CCNY: variants seen among roughly 807,000 people sequenced by gnomAD.
CCNY encodes the protein cyclin Y, also known as cyclin-Y.
A neutral mutation model predicts 42.8 loss-of-function variants in CCNY; 19 were observed. The ratio of observed to expected loss-of-function variants is 0.44; its 90% CI spans 0.31 to 0.65. The LOEUF is 0.65. Among genes scored for constraint, CCNY ranks in the 30% least tolerant of loss-of-function variants. The pLI, the probability that CCNY is intolerant of heterozygous loss-of-function variation, is 0.07. For synonymous variants in CCNY, 165 were observed against 162.7 expected (o/e 1.01, Z -0.11); for missense variants, 370 against 437.3 (o/e 0.85, Z 1.37).
chr10:35,534,543 C>T (rs1840840157), intron 7 of CCNY, among the ~76,000 whole-genome samples: 1 of 152,166 alleles, frequency 6.6e-6, no homozygotes, highest in Admixed American at 6.5e-5. Context: ...GCTGACCAGA[C>T]AGGAGGGGGT....
chr10:35,359,493 TA>T (rs869043175), intron 1 of CCNY, among the ~76,000 whole-genome samples: 7 of 77,594 alleles, frequency 9.0e-5, no homozygotes, highest in African/African-American at 2.7e-4. Flanking sequence ...ACTCTTTATT[TA>T]TTATTATTAT....
At chr10:35,410,742 G>A (rs1837885145) in intron 1 of CCNY, among the ~76,000 whole-genome samples, 1 of 152,224 alleles carries the variant, frequency 6.6e-6, no homozygotes, top group African/African-American at 2.4e-5. Flanking sequence ...TCCAAGGACA[G>A]GCAAGTGCAC....
chr10:35,267,784 G>A (rs968980595), intron 3 of CCNY, among the ~76,000 whole-genome samples: 3 of 152,074 alleles, frequency 2.0e-5, no homozygotes, highest in Non-Finnish European at 4.4e-5. Context: ...GTGCAATGTC[G>A]GGTAAATAGC....
chr10:35,562,728 T>C (rs1012044732), intron 8 of CCNY, among the ~76,000 whole-genome samples: 1 of 152,180 alleles, frequency 6.6e-6, no homozygotes, highest in Non-Finnish European at 1.5e-5. Context: ...CCATGGACAC[T>C]TGGGTTACCT....
intron 2 of CCNY, among the ~76,000 whole-genome samples, chr10:35,492,684 C>A (rs917244147): frequency 6.6e-6 from 1 of 152,230 alleles, no homozygotes; most frequent in Non-Finnish European, 1.5e-5. Context: ...AGAAGAAACT[C>A]ACAAGCATAG....
At chr10:35,348,930 T>G (rs2135133988) in intron 1 of CCNY, among the ~76,000 whole-genome samples, 1 of 152,112 alleles carries the variant, frequency 6.6e-6, no homozygotes, top group Non-Finnish European at 1.5e-5. Flanking sequence ...ATCCAGGATA[T>G]TTTGTAAGGG....
chr10:35,414,215 C>T (rs964303463), intron 1 of CCNY, among the ~76,000 whole-genome samples: 6 of 152,154 alleles, frequency 3.9e-5, no homozygotes, highest in African/African-American at 9.7e-5. Flanking sequence ...CAGTCTCTGA[C>T]GAGGCTGCAG....
intron 1 of CCNY, among the ~76,000 whole-genome samples, chr10:35,405,486 C>T (rs1451725166): frequency 6.6e-6 from 1 of 152,058 alleles, no homozygotes; most frequent in African/African-American, 2.4e-5. Flanking sequence ...AAGTCTCGAC[C>T]TAATAAGGGA....
At chr10:35,255,499 T>C (rs1177160094) in intron 3 of CCNY, among the ~76,000 whole-genome samples, 1 of 150,632 alleles carries the variant, frequency 6.6e-6, no homozygotes, top group Non-Finnish European at 1.5e-5. Flanking sequence ...GGTTTTATCA[T>C]ATTGGTCAGG....
intron 3 of CCNY, among the ~76,000 whole-genome samples, chr10:35,251,359 T>C (rs1285967381): frequency 6.6e-6 from 1 of 152,156 alleles, no homozygotes; most frequent in East Asian, 1.9e-4. Flanking sequence ...CAAACAAAAC[T>C]ATAAAACTAA....
rs116596284 is a variant in CCNY, at chr10:35,330,822, C to T, written c.-9+80196C>T. Among the ~76,000 whole-genome samples, 1,036 of 151,112 alleles carry T rather than the reference C, an allele frequency of 6.9e-3. 11 individuals are homozygous for T. Among genetic ancestry groups the T allele is most frequent in the African/African-American group, 0.024 (990 of 41,122 alleles). Reference sequence around the variant, plus strand: ...GCAGGCTGGAGTGCAGTGGCAACATCTCAGCTCACTGCAAACCTCCACCTC... The same window carrying T: ...GCAGGCTGGAGTGCAGTGGCAACATTTCAGCTCACTGCAAACCTCCACCTC... On this transcript the variant is annotated intron_variant, in intron 3 of 11. Coordinates refer to the CCNY transcript ENST00000374706.
rs1240418570 is a variant in CCNY at position 35,276,955 on chromosome 10, C to T, written c.-9+26329C>T. 2.6e-5 allele frequency among the ~76,000 whole-genome samples: 4 copies of T among 152,226 alleles called. No individual in the cohort carries two copies. The East Asian group carries it at 7.7e-4, about 29-fold the overall frequency. The stretch of plus-strand genomic sequence containing the variant: ...CTGCCAGGGTGTTAAATGCTTATAA[C>T]AATGGAGTGCTCCCAGACTGATAAA... On this transcript the variant is annotated intron_variant, in intron 3 of 11. Transcript: ENST00000374706.
chr10:35,341,195 A>G (rs2135120469), intron 1 of CCNY, among the ~76,000 whole-genome samples: 1 of 152,312 alleles, frequency 6.6e-6, no homozygotes, highest in East Asian at 1.9e-4. Context: ...CATTCCAGCC[A>G]CATTGGCCTC....
chr10:35,556,591 AGACACGTTTTCCCCCT>A (rs1165105129), intron 8 of CCNY, among the ~76,000 whole-genome samples: 1 of 152,226 alleles, frequency 6.6e-6, no homozygotes, highest in East Asian at 1.9e-4. Context: ...GGGGAGGAAT[AGACACGTTTTCCCCCT>A]GACAGAAGAT....
intron 1 of CCNY, among the ~76,000 whole-genome samples, chr10:35,399,952 T>G (rs902342756): frequency 1.3e-5 from 2 of 152,166 alleles, no homozygotes; most frequent in Admixed American, 6.5e-5. Flanking sequence ...CTAGTAGAGA[T>G]AAAGTTCTGT....
intron 3 of CCNY, among the ~76,000 whole-genome samples, chr10:35,313,171 C>T (rs1014532264): frequency 6.6e-6 from 1 of 151,994 alleles, no homozygotes; most frequent in African/African-American, 2.4e-5. Flanking sequence ...CACGTGGACT[C>T]GTGTTTGAAA....
intron 1 of CCNY, among the ~76,000 whole-genome samples, chr10:35,362,828 GGGGCCA>G (rs1400511902): frequency 6.8e-6 from 1 of 146,856 alleles, no homozygotes; most frequent in Non-Finnish European, 1.5e-5. Flanking sequence ...AGTTGGCGGG[GGGGCCA>G]GGCAGAAGCA....
At chr10:35,569,022 C>A in intron 9 of CCNY, 32 bp from the exon 10 acceptor site, 1 of 1,438,912 alleles carries the variant, frequency 6.9e-7, no homozygotes, top group Non-Finnish European at 9.8e-7. Flanking sequence ...ATATGGCCCG[C>A]CCTGACCCAC....
chr10:35,257,997 C>G (rs944067090), intron 3 of CCNY, among the ~76,000 whole-genome samples: 1 of 152,132 alleles, frequency 6.6e-6, no homozygotes, highest in Non-Finnish European at 1.5e-5. Context: ...CTGACTCCTC[C>G]TTCTGCCTGC....
Sources: allele counts gnomAD v4.1 joint callset (sites outside exome capture counted in the v4.1 genomes callset), GRCh38; gene constraint gnomAD v4.1.1; transcripts MANE v1.5; gene names NCBI Gene and HGNC (gene_info 2026-07-23, HGNC 2026-07-21).